Variants in TSBP1 observed in about 807,000 individuals in gnomAD.
The protein encoded by TSBP1 is testis expressed basic protein 1.
A neutral mutation model predicts 68.8 loss-of-function variants in TSBP1; 56 were observed. That is an observed-to-expected ratio of 0.81 (90% confidence interval 0.66 to 1.02). The LOEUF (loss-of-function observed/expected upper bound fraction) is 1.02. Among genes scored for constraint, TSBP1 ranks in the 50% least tolerant of loss-of-function variants. TSBP1 has a pLI of 0.00. For missense variants in TSBP1, 502 were observed against 641.2 expected (o/e 0.78, Z 2.34); for synonymous variants, 171 against 208.7 (o/e 0.82, Z 1.56).
chr6:32,370,936 C>T (rs1227852996), intron 1 of TSBP1, among the ~76,000 whole-genome samples: 1 of 152,080 alleles, frequency 6.6e-6, no homozygotes. Context: ...GAATATTGAG[C>T]TCTGAAAGAC....
intron 6 of TSBP1, among the ~76,000 whole-genome samples, chr6:32,363,055 A>G (rs1773244888): frequency 6.6e-6 from 1 of 152,168 alleles, no homozygotes; most frequent in South Asian, 2.1e-4. Flanking sequence ...CTCTGACATT[A>G]TGTGCATATG....
At chr6:32,345,499 C>CTACTTACTA (rs1166199356) in intron 9 of TSBP1, among the ~76,000 whole-genome samples, 2 of 149,722 alleles carry the variant, frequency 1.3e-5, no homozygotes, top group African/African-American at 5.0e-5. Context: ...TCTGGTTCCT[C>CTACTTACTA]TACTTACTAG....
intron 19 of TSBP1, among the ~76,000 whole-genome samples, chr6:32,305,728 T>A (rs1427785787): frequency 6.6e-6 from 1 of 152,208 alleles, no homozygotes; most frequent in East Asian, 1.9e-4. Context: ...ACTCCTGACC[T>A]CAGGCAATCC....
chr6:32,349,462 C>T (rs1771460260), intron 9 of TSBP1: 1 of 340,476 alleles, frequency 2.9e-6, no homozygotes, highest in Non-Finnish European at 5.3e-6. Flanking sequence ...ATTTTTCTTA[C>T]TAACTTTTTG....
At chr6:32,351,353 G>A (rs1253063012) in intron 8 of TSBP1, among the ~76,000 whole-genome samples, 2 of 152,138 alleles carry the variant, frequency 1.3e-5, no homozygotes, top group South Asian at 2.1e-4. Flanking sequence ...CATTAGTTAA[G>A]ATGAATTTGA....
intron 16 of TSBP1, among the ~76,000 whole-genome samples, chr6:32,328,776 C>T (rs770333799): frequency 9.2e-5 from 14 of 152,000 alleles, no homozygotes; most frequent in Middle Eastern, 3.4e-3. Context: ...TGGTCTCGAA[C>T]TGCTGACCTC....
intron 8 of TSBP1, among the ~76,000 whole-genome samples, chr6:32,350,582 G>A (rs1404336480): frequency 6.6e-6 from 1 of 152,158 alleles, no homozygotes; most frequent in Non-Finnish European, 1.5e-5. Context: ...TTAAACACCT[G>A]ATCACCAGCA....
chr6:32,313,744 T>C (rs962373564), intron 19 of TSBP1, among the ~76,000 whole-genome samples: 3 of 152,184 alleles, frequency 2.0e-5, no homozygotes, highest in African/African-American at 7.2e-5. Context: ...CTGAACCAGA[T>C]CTCAGCTGTT....
intron 8 of TSBP1, among the ~76,000 whole-genome samples, chr6:32,353,489 T>C (rs1053246397): frequency 2.0e-5 from 3 of 151,944 alleles, no homozygotes; most frequent in Non-Finnish European, 4.4e-5. Context: ...GAATAATTGA[T>C]TTTACCAATT....
chr6:32,367,968 A>T lies in TSBP1; in HGVS notation c.134-11T>A. On this transcript the variant is annotated splice_polypyrimidine_tract_variant and intron_variant, in intron 3 of 22. Transcript: ENST00000612031. The stretch of plus-strand genomic sequence containing the variant: ...CCAGAAGTCTAGCACCTAGAAAAAA[A>T]GGGAGAGCACATGATTTTGCTTCTT... 6.2e-7 allele frequency: 1 copy of T among 1,603,534 alleles called. No homozygotes were observed. Among genetic ancestry groups the T allele is most frequent in the Non-Finnish European group, 8.5e-7 (1 of 1,176,118 alleles).
chr6:32,293,376 C>T (rs16870005), exon 23 of TSBP1: 16,535 of 1,612,842 alleles, frequency 0.01, 267 homozygotes, highest in Admixed American at 0.031. Context: ...GGCACATCTG[C>T]CTCAGTCTTC....
At chr6:32,332,509 C>T (rs1253855829) in intron 14 of TSBP1, among the ~76,000 whole-genome samples, 1 of 152,196 alleles carries the variant, frequency 6.6e-6, no homozygotes, top group African/African-American at 2.4e-5. Context: ...CTTCTCACAG[C>T]TTCCAGCTTA....
rs374677236 is a variant in TSBP1 at position 32,356,925 on chromosome 6, A to G, written c.218-1256T>C. Reference sequence around the variant, plus strand: ...TTTTGGAATAACCATGGCAGCTTTTATATGTGATATATTTAAGTTAAACTA... The same window carrying G: ...TTTTGGAATAACCATGGCAGCTTTTGTATGTGATATATTTAAGTTAAACTA... On this transcript the variant is annotated intron_variant, in intron 6 of 22. Transcript: ENST00000612031. 4.6e-4 allele frequency: 71 copies of G among 153,700 alleles called. No individual in the cohort carries two copies. In the East Asian group the frequency reaches 7.2e-3, roughly 16 times the overall value. The allele number at this position is 153,700 out of a possible 1,614,324, so 9.5% of individuals were successfully genotyped here. A position where few individuals can be genotyped will look rare whatever the true frequency, so the allele number is the denominator to read the frequency against.
rs1764285449 is a variant in TSBP1 at position 32,292,841 on chromosome 6, G to A, written c.*140C>T. ...AGAGATTAAAAAGGGTGAAACTTCTGAAGAGCAGAAACTGTGATATGAAGA... is the reference window on the plus strand; with the variant it reads ...AGAGATTAAAAAGGGTGAAACTTCTAAAGAGCAGAAACTGTGATATGAAGA... On this transcript the variant is annotated 3_prime_UTR_variant, in exon 23 of 23. Coordinates refer to ENST00000612031, the Ensembl canonical transcript of TSBP1. The surrounding 1 kb of genome is among the most constrained non-coding windows in gnomAD (Gnocchi z 4.1). 4.9e-6 allele frequency: 3 copies of A among 611,252 alleles called. No homozygotes were observed. Among genetic ancestry groups the A allele is most frequent in the Non-Finnish European group, 8.5e-6 (3 of 354,164 alleles). 37.9% of individuals were successfully genotyped at this position (611,252 alleles called of 1,614,324 possible). A position where few individuals can be genotyped will look rare whatever the true frequency, so the allele number is the denominator to read the frequency against.
intron 15 of TSBP1, among the ~76,000 whole-genome samples, 193 bp downstream of exon 16, chr6:32,331,841 G>A (rs1223719880): frequency 2.0e-5 from 3 of 152,148 alleles, no homozygotes; most frequent in Non-Finnish European, 2.9e-5. Context: ...CTGTACAGCC[G>A]CCACTCTCTC....
At chr6:32,346,576 G>T (rs1193404363) in intron 9 of TSBP1, among the ~76,000 whole-genome samples, 2 of 152,066 alleles carry the variant, frequency 1.3e-5, no homozygotes, top group Admixed American at 1.3e-4. Flanking sequence ...GGTGTCTCAT[G>T]CCTGTAACCC....
rs1351479301 is a variant in TSBP1, at chr6:32,333,321, A to G, written c.473-1267T>C. 2.0e-5 allele frequency among the ~76,000 whole-genome samples: 3 copies of G among 152,088 alleles called. No individual in the cohort carries two copies. The highest frequency in any genetic ancestry group is 4.4e-5 in the Non-Finnish European group (3 of 68,000). On this transcript the variant is annotated intron_variant, in intron 14 of 22. Transcript: ENST00000612031. The surrounding 1 kb of genome is among the most constrained non-coding windows in gnomAD (Gnocchi z 4.2). ...CGAAAGCCTGTTATGTTATTTAGCAACACTGCTTACATAAGAATGATCCTT... is the reference window on the plus strand; with the variant it reads ...CGAAAGCCTGTTATGTTATTTAGCAGCACTGCTTACATAAGAATGATCCTT...
intron 6 of TSBP1, among the ~76,000 whole-genome samples, chr6:32,360,165 C>G (rs1354432672): frequency 6.6e-6 from 1 of 152,092 alleles, no homozygotes; most frequent in Non-Finnish European, 1.5e-5. Context: ...AGTTTGTACC[C>G]TTTGGCCAAC....
At chr6:32,326,018 A>G (rs1483357019) in intron 16 of TSBP1, 3 of 1,532,656 alleles carry the variant, frequency 2.0e-6, no homozygotes, top group Non-Finnish European at 2.7e-6. Context: ...AATTACAACA[A>G]TCAGTCTTCA....
Sources: allele counts gnomAD v4.1 joint callset (sites outside exome capture counted in the v4.1 genomes callset), GRCh38; gene constraint gnomAD v4.1.1; non-coding constraint Gnocchi (gnomAD v3.1); transcripts MANE v1.5; gene names NCBI Gene and HGNC (gene_info 2026-07-23, HGNC 2026-07-21).